Variants in ATG2B observed in about 807,000 individuals in gnomAD.
ATG2B encodes autophagy related 2B, also known as autophagy-related protein 2 homolog B.
A neutral mutation model predicts 241.3 loss-of-function variants in ATG2B; 121 were observed. The observed-to-expected ratio is 0.50, with a 90% CI of 0.43 to 0.58. The LOEUF is 0.58. Among genes scored for constraint, ATG2B ranks in the 20% least tolerant of loss-of-function variants. The pLI is 0.00. For synonymous variants in ATG2B, 858 were observed against 876.6 expected (o/e 0.98, Z 0.37); for missense variants, 2,306 against 2,491.6 (o/e 0.93, Z 1.59).
At chr14:96,325,436 A>G (rs1021858412) in intron 15 of ATG2B, among the ~76,000 whole-genome samples, 1 of 152,230 alleles carries the variant, frequency 6.6e-6, no homozygotes, top group Non-Finnish European at 1.5e-5. Flanking sequence ...GAATTTTAAC[A>G]AAGTGAATGA....
In ATG2B at chr14:96,285,865, G is replaced by C. The variant is rs769021911; in HGVS notation, c.6127C>G (p.Leu2043Val). 1 of 1,614,116 alleles carries C rather than the reference G, an allele frequency of 6.2e-7. No homozygotes were observed. Among genetic ancestry groups the C allele is most frequent in the Non-Finnish European group, 8.5e-7 (1 of 1,180,028 alleles). ...GACGTTGCTTCTGTGGCAACAATCA[G>C]AGGTTTCACCACTGCCGGAGGAATC... ...RQIPPAVVKP[L>V]IVATEATSNV... Residue 2043 changes from leucine (L) to valine (V), a missense_variant, in exon 42 of 42, where the codon CTG becomes GTG. This residue lies in a region of ATG2B where 379 missense variants were observed against 480.4 expected (regional missense o/e 0.79). Coordinates refer to ENST00000359933, the MANE Select transcript of ATG2B (RefSeq NM_018036.7). This position sits in a 1 kb window ranked among gnomAD's most constrained non-coding sequence, Gnocchi z 4.2.
At chr14:96,299,957 C>T (rs1886745448) in intron 34 of ATG2B, among the ~76,000 whole-genome samples, 1 of 152,094 alleles carries the variant, frequency 6.6e-6, no homozygotes, top group Admixed American at 6.5e-5. Context: ...CATTTACTAT[C>T]CCAAAATATG....
intron 4 of ATG2B, among the ~76,000 whole-genome samples, chr14:96,343,974 G>C (rs1243374707): frequency 6.6e-6 from 1 of 152,194 alleles, no homozygotes; most frequent in East Asian, 1.9e-4. Context: ...AAGTGTCTCT[G>C]GTGCTCATGC....
chr14:96,322,025 C>T (rs1887471701), intron 18 of ATG2B, 87 bp downstream of exon 18: 1 of 973,184 alleles, frequency 1.0e-6, no homozygotes, highest in Non-Finnish European at 1.5e-6. Context: ...AATATTCAGG[C>T]AAGGAAAGGA....
In ATG2B at chr14:96,303,243, G is replaced by A. The variant is rs1477506296; in HGVS notation, c.4855C>T (p.His1619Tyr). Residue 1619 changes from histidine to tyrosine, a missense_variant, in exon 33 of 42, where the codon CAT becomes TAT. By Grantham distance (83) the His-to-Tyr change is moderately conservative (BLOSUM62 2). Transcript: ENST00000359933. The stretch of plus-strand genomic sequence containing the variant: ...GGTTTGCATGGCGGGTAGACTTCAT[G>A]CTGAAACTTCACCTTAACGGGTAAG... The part of the protein sequence containing the change: ...EIQLSKVKFQ[H>Y]EVYPPCKPDC... 2.5e-6 allele frequency: 4 copies of A among 1,576,614 alleles called. No homozygotes were observed. Among genetic ancestry groups the A allele is most frequent in the South Asian group, 1.2e-5 (1 of 85,542 alleles).
At chr14:96,325,233 TAAAAATAACTGG>T (rs1389828071) in intron 15 of ATG2B, among the ~76,000 whole-genome samples, 2 of 152,080 alleles carry the variant, frequency 1.3e-5, no homozygotes, top group Non-Finnish European at 2.9e-5. Flanking sequence ...TATTAAATTA[TAAAAATAACTGG>T]AAAAATAAAC....
At chr14:96,294,898 T>G in intron 36 of ATG2B, 62 bp downstream of exon 36, 1 of 1,471,976 alleles carries the variant, frequency 6.8e-7, no homozygotes, top group South Asian at 1.2e-5. Flanking sequence ...CACACATACA[T>G]CACAGAACAA....
rs758987076 is a variant in ATG2B at position 96,290,381 on chromosome 14, C to G, written c.5856+55G>C. The G allele has an allele frequency of 5.1e-6, 8 of 1,574,912 alleles. No individual in the cohort carries two copies. The highest frequency in any genetic ancestry group is 6.9e-6 in the Non-Finnish European group (8 of 1,157,122). ...AGTATCGTTTTAAAAACAAAAGGAC[C>G]CAACCATTTCACAATGGCTCTTTTT... On this transcript the variant is annotated intron_variant, in intron 40 of 41. Transcript: ENST00000359933. This position sits in a 1 kb window ranked among gnomAD's most constrained non-coding sequence, Gnocchi z 4.4.
At chr14:96,352,443 A>G (rs186918740) in intron 1 of ATG2B, among the ~76,000 whole-genome samples, 1 of 152,186 alleles carries the variant, frequency 6.6e-6, no homozygotes, top group African/African-American at 2.4e-5. Context: ...TACCCAGAAG[A>G]AGGCATTGTT....
rs375271682 is a variant in ATG2B at position 96,300,898 on chromosome 14, C to T, written c.5139+1109G>A. On this transcript the variant is annotated intron_variant, in intron 34 of 41. Coordinates refer to ENST00000359933, the MANE Select transcript of ATG2B (RefSeq NM_018036.7). ...AGCTCAGTCTTGAAATATTTGTTACCAGCTTTTAGTTATTCAAGTTTTATT... is the reference window on the plus strand; with the variant it reads ...AGCTCAGTCTTGAAATATTTGTTACTAGCTTTTAGTTATTCAAGTTTTATT... Among the ~76,000 whole-genome samples the T allele has an allele frequency of 5.9e-5, 9 of 152,140 alleles. No individual in the cohort carries two copies. The South Asian group carries it at 1.9e-3, about 32-fold the overall frequency.
Position 96,344,270 on chromosome 14 carries a change from C to T in ATG2B, c.581+384G>A, listed in dbSNP as rs374231525. Among the ~76,000 whole-genome samples the T allele has an allele frequency of 8.5e-5, 13 of 152,266 alleles. 1 individual carries two copies. Among genetic ancestry groups the T allele is most frequent in the East Asian group, 7.7e-4 (4 of 5,182 alleles). On this transcript the variant is annotated intron_variant, in intron 4 of 41. Transcript: ENST00000359933. ...ACTAAAGCAGCACTTAGATTAAGCA[C>T]AGCAAAACAAAAATGTCTTTCACGT...
intron 1 of ATG2B, among the ~76,000 whole-genome samples, chr14:96,357,559 C>T (rs1268034082): frequency 6.6e-6 from 1 of 152,214 alleles, no homozygotes; most frequent in East Asian, 1.9e-4. Flanking sequence ...CTCCCACTCC[C>T]AACTCCAGAC....
intron 8 of ATG2B, among the ~76,000 whole-genome samples, chr14:96,333,455 A>G (rs1887791585): frequency 6.6e-6 from 1 of 152,178 alleles, no homozygotes; most frequent in African/African-American, 2.4e-5. Context: ...AATCATTTAG[A>G]AAACAAAACT....
Position 96,285,890 on chromosome 14 carries a change from C to G in ATG2B, c.6102G>C (p.Gln2034His). Residue 2034 changes from glutamine to histidine, a missense_variant, in exon 42 of 42, where the codon CAG becomes CAC. Physicochemically the swap from Gln to His is conservative, Grantham distance 24. Around this residue, in one of 2 missense-constraint regions of ATG2B, gnomAD observed 379 missense variants for 480.4 expected, o/e 0.79. Transcript: ENST00000359933. This position sits in a 1 kb window ranked among gnomAD's most constrained non-coding sequence, Gnocchi z 4.2. ...GAGGTTTCACCACTGCCGGAGGAAT[C>G]TGGCGCAGAACCTCGCCCACGGCAC... Reference protein sequence around the residue: ...VTGAVGEVLRQIPPAVVKPLI... With the variant: ...VTGAVGEVLRHIPPAVVKPLI... 1 of 1,614,128 alleles carries G rather than the reference C, an allele frequency of 6.2e-7. No homozygotes were observed. The highest frequency in any genetic ancestry group is 1.3e-5 in the African/African-American group (1 of 75,040).
chr14:96,287,268 A>C (rs922840893), intron 41 of ATG2B, among the ~76,000 whole-genome samples: 1 of 151,522 alleles, frequency 6.6e-6, no homozygotes, highest in African/African-American at 2.4e-5. Context: ...AAAAAAAAAA[A>C]AAAAACGTGT....
Position 96,363,329 on chromosome 14 carries a change from C to T in ATG2B, c.-353G>A. 1 of 252,100 alleles carries T rather than the reference C, an allele frequency of 4.0e-6. No homozygotes were observed. Among genetic ancestry groups the T allele is most frequent in the Non-Finnish European group, 7.8e-6 (1 of 127,872 alleles). The allele number at this position is 252,100 out of a possible 1,614,324, so 15.6% of individuals were successfully genotyped here. On this transcript the variant is annotated 5_prime_UTR_variant, in exon 1 of 42. Transcript: ENST00000359933. ...CGAATTTGTTGTCATCCGCGAGGCG[C>T]GTTCCCGGCTGTAGGGACGCTCCTG...
chr14:96,323,999 C>CT lies in ATG2B; in HGVS notation c.2438-2dup. The CT allele has an allele frequency of 3.2e-6, 5 of 1,542,536 alleles. No individual in the cohort carries two copies. The highest frequency in any genetic ancestry group is 4.4e-6 in the Non-Finnish European group (5 of 1,144,658). On this transcript the variant is annotated splice_acceptor_variant, in intron 15 of 41. Coordinates refer to ENST00000359933, the MANE Select transcript of ATG2B (RefSeq NM_018036.7). LOFTEE classifies it high-confidence loss of function. ...TCTCCTTTCTCTTCCTGGAACGATC[C>CT]TAAAAAAAAAGACTGATTTACTGAA...
intron 29 of ATG2B, among the ~76,000 whole-genome samples, chr14:96,308,580 G>C (rs954871665): frequency 1.9e-4 from 28 of 150,794 alleles, no homozygotes; most frequent in Admixed American, 1.5e-3. Flanking sequence ...TAGATTACAG[G>C]CATGAGCCAC....
At chr14:96,356,340 A>G (rs1888475576) in intron 1 of ATG2B, among the ~76,000 whole-genome samples, 1 of 152,186 alleles carries the variant, frequency 6.6e-6, no homozygotes, top group Non-Finnish European at 1.5e-5. Flanking sequence ...AAATATGGCA[A>G]TTGAGGATCA....
Sources: allele counts gnomAD v4.1 joint callset (sites outside exome capture counted in the v4.1 genomes callset), GRCh38; gene constraint gnomAD v4.1.1; regional missense constraint gnomAD v4.1.1; non-coding constraint Gnocchi (gnomAD v3.1); transcripts MANE v1.5; gene names NCBI Gene and HGNC (gene_info 2026-07-23, HGNC 2026-07-21).